Variants in DDX43 observed in about 807,000 individuals in gnomAD.
The protein encoded by DDX43 is probable ATP-dependent RNA helicase DDX43.
In DDX43, 50 loss-of-function variants were observed where a neutral mutation model predicts 84.9. That is an observed-to-expected ratio of 0.59 (90% CI 0.47 to 0.75). DDX43 has a LOEUF of 0.75. Among genes scored for constraint, DDX43 ranks in the 30% least tolerant of loss-of-function variants. The pLI is 0.00. For synonymous variants in DDX43, 291 were observed against 266.3 expected, an observed-to-expected ratio of 1.09 and a Z score of -0.90; for missense variants, 689 against 798.6, an observed-to-expected ratio of 0.86 and a Z score of 1.65.
At chr6:73,401,608 C>G (rs571764570) in intron 3 of DDX43, among the ~76,000 whole-genome samples, 1 of 152,154 alleles carries the variant, frequency 6.6e-6, no homozygotes, top group Admixed American at 6.5e-5. Flanking sequence ...CGAGACCATC[C>G]TGGCTAACAC....
chr6:73,407,263 G>A (rs138078196), intron 7 of DDX43, among the ~76,000 whole-genome samples: 2,749 of 152,132 alleles, frequency 0.018, 207 homozygotes, highest in Admixed American at 0.12. Context: ...GATTACAGGC[G>A]CCTGCTGCCA....
intron 13 of DDX43, 84 bp downstream of exon 13, chr6:73,414,163 C>CCATTTAT: frequency 1.3e-6 from 1 of 791,982 alleles, no homozygotes; most frequent in Non-Finnish European, 2.1e-6. Context: ...TTCATGAAAC[C>CCATTTAT]CATTTATTTC....
intron 1 of DDX43, 151 bp downstream of exon 1, chr6:73,395,306 A>T (rs1769443817): frequency 9.2e-7 from 1 of 1,083,698 alleles, no homozygotes; most frequent in African/African-American, 1.6e-5. Flanking sequence ...ACCTGGGGAT[A>T]GAGTATAATT....
chr6:73,413,902 C>T, intron 12 of DDX43, 68 bp from the exon 13 acceptor site: 1 of 1,519,540 alleles, frequency 6.6e-7, no homozygotes, highest in Non-Finnish European at 9.0e-7. Context: ...TAGATTTTTG[C>T]TAACAGAAGT....
Position 73,416,101 on chromosome 6 carries a change from G to C in DDX43, c.1834-12G>C, listed in dbSNP as rs143858345. ...CTCAGAATCCTAATAACAACACGTT[G>C]AATAATTTCAGAGTATTCCAGAGGA... On this transcript the variant is annotated splice_polypyrimidine_tract_variant and intron_variant, in intron 15 of 16. Coordinates refer to ENST00000370336, the MANE Select transcript of DDX43 (RefSeq NM_018665.3). 2.7e-5 allele frequency: 36 copies of C among 1,342,572 alleles called. No individual in the cohort carries two copies. The African/African-American group carries it at 3.8e-4, about 14-fold the overall frequency. The allele number at this position is 1,342,572 out of a possible 1,614,324, so 83.2% of individuals were successfully genotyped here. A position where few individuals can be genotyped will look rare whatever the true frequency, so the allele number is the denominator to read the frequency against.
At position 73,413,683 on chromosome 6, in the gene DDX43, T is replaced by C; in HGVS notation, c.1394T>C (p.Ile465Thr). The C allele has an allele frequency of 2.5e-6, 4 of 1,613,790 alleles. No individual in the cohort carries two copies. Among genetic ancestry groups the C allele is most frequent in the Non-Finnish European group, 2.5e-6 (3 of 1,179,884 alleles). ...GCTGTAAGTTCAGTGAAGCAAAATA[T>C]AATTGTAACCACCGAGGAAGAGAAA... Reference protein sequence around the residue: ...LVAVSSVKQNIIVTTEEEKWS... With the variant: ...LVAVSSVKQNTIVTTEEEKWS... Residue 465 changes from isoleucine to threonine, a missense_variant, in exon 12 of 17, where the codon ATA becomes ACA. Ile to Thr is a moderately conservative substitution (Grantham distance 89, BLOSUM62 -1). Around this residue, in one of 2 missense-constraint regions of DDX43, gnomAD observed 552 missense variants for 692.7 expected, o/e 0.80. Coordinates refer to ENST00000370336, the MANE Select transcript of DDX43 (RefSeq NM_018665.3).
chr6:73,412,223 A>G lies in DDX43; in HGVS notation c.1299A>G (p.Ser433=), dbSNP rs201085476. Residue 433 remains serine, a synonymous_variant, in exon 11 of 17, where the codon TCA becomes TCG. Coordinates refer to ENST00000370336, the MANE Select transcript of DDX43 (RefSeq NM_018665.3). ...TVMTSATWPH[S]VHRLAQSYLK... ...TTCCCAGTGCTACATGGCCTCATTCAGTTCATCGCCTCGCACAATCTTATT... is the reference window on the plus strand; with the variant it reads ...TTCCCAGTGCTACATGGCCTCATTCGGTTCATCGCCTCGCACAATCTTATT... 21 of 1,613,536 alleles carry G rather than the reference A, an allele frequency of 1.3e-5. 1 individual carries two copies. In the African/African-American group the frequency reaches 2.3e-4, roughly 17 times the overall value.
chr6:73,414,476 CA>C, intron 13 of DDX43, 71 bp from the exon 14 acceptor site: 1 of 1,224,216 alleles, frequency 8.2e-7, no homozygotes, highest in East Asian at 2.4e-5. Flanking sequence ...TTAGTTAGGG[CA>C]AATATTATTT....
chr6:73,412,668 T>TGTGTGCGTGTGTGCGC (rs538597626), intron 11 of DDX43, among the ~76,000 whole-genome samples: 1 of 108,396 alleles, frequency 9.2e-6, no homozygotes, highest in Non-Finnish European at 1.8e-5. Flanking sequence ...TGTGTGTGTG[T>TGTGTGCGTGTGTGCGC]GCGCGCGCGC....
chr6:73,402,403 C>T (rs545351765), intron 4 of DDX43, among the ~76,000 whole-genome samples: 1 of 152,148 alleles, frequency 6.6e-6, no homozygotes, highest in South Asian at 2.1e-4. Flanking sequence ...CAGTTCTTGG[C>T]AGCATTTTGT....
intron 2 of DDX43, among the ~76,000 whole-genome samples, chr6:73,399,290 A>G (rs761982353): frequency 5.9e-5 from 9 of 152,116 alleles, no homozygotes; most frequent in East Asian, 3.9e-4. Flanking sequence ...TCCTTTTCCT[A>G]TGTGAAAGCC....
At chr6:73,395,470 T>G (rs1201812884) in intron 1 of DDX43, among the ~76,000 whole-genome samples, 1 of 151,618 alleles carries the variant, frequency 6.6e-6, no homozygotes, top group African/African-American at 2.4e-5. Context: ...AAAAAATAGC[T>G]GGGCGTGGTG....
intron 5 of DDX43, 102 bp downstream of exon 5, chr6:73,404,873 C>CA: frequency 9.0e-6 from 8 of 893,528 alleles, no homozygotes; most frequent in South Asian, 3.4e-5. Context: ...GCTACGCCTT[C>CA]AATATTCAAA....
Position 73,405,693 on chromosome 6 carries a change from AT to A in DDX43, c.666del (p.Asn222LysfsTer2). On this transcript the variant is annotated frameshift_variant, in exon 6 of 17. Transcript: ENST00000370336. LOFTEE classifies it high-confidence loss of function. Reference protein sequence around the residue: ...EADSWRKENFNITWDDLKDGE... With the variant: ...EADSWRKENFXITWDDLKDGE... ...ATTCTTTGAAGGAAAGAAAATTTTA[AT>A]ATAACGTGGGATGACTTGAAGGATG... 1 of 1,612,416 alleles carries A rather than the reference AT, an allele frequency of 6.2e-7. No homozygotes were observed. The highest frequency in any genetic ancestry group is 8.5e-7 in the Non-Finnish European group (1 of 1,179,624).
In DDX43 at chr6:73,407,635, A is replaced by G. The variant is rs1180119628; in HGVS notation, c.1037+20A>G. The G allele has an allele frequency of 6.9e-7, 1 of 1,451,438 alleles. No individual in the cohort carries two copies. Among genetic ancestry groups the G allele is most frequent in the Non-Finnish European group, 9.7e-7 (1 of 1,034,274 alleles). 89.9% of individuals were successfully genotyped at this position (1,451,438 alleles called of 1,614,324 possible). On this transcript the variant is annotated intron_variant, in intron 8 of 16. Transcript: ENST00000370336. ...TCGGAGGTAAGTAATTTTTTTTCCC[A>G]TTCCTTCACCAGTATCATATTTTAA... is the stretch of plus-strand genomic sequence containing the variant.
In DDX43 at chr6:73,394,892, C is replaced by G. The variant is rs777431855; in HGVS notation, c.-14C>G. The G allele has an allele frequency of 6.2e-7, 1 of 1,613,428 alleles. No individual in the cohort carries two copies. Among genetic ancestry groups the G allele is most frequent in the South Asian group, 1.1e-5 (1 of 91,056 alleles). On this transcript the variant is annotated 5_prime_UTR_variant, in exon 1 of 17. Coordinates refer to ENST00000370336, the MANE Select transcript of DDX43 (RefSeq NM_018665.3). ...TGGACGGCAACGACGTCGGACGCGCCCCTTCTTGGAACAATGTCCCACCAC... is the reference window on the plus strand; with the variant it reads ...TGGACGGCAACGACGTCGGACGCGCGCCTTCTTGGAACAATGTCCCACCAC...
chr6:73,394,974 G>A lies in DDX43; in HGVS notation c.69G>A (p.Val23=). Residue 23 remains valine (V), a synonymous_variant, in exon 1 of 17, where the codon GTG becomes GTA. Coordinates refer to ENST00000370336, the MANE Select transcript of DDX43 (RefSeq NM_018665.3). The stretch of plus-strand genomic sequence containing the variant: ...TTGCTAGTCGGCGAAGCTCGACAGT[G>A]TCCCGAGCGCCAGAGAGGAGGCCGG... ...WVVASRRSST[V]SRAPERRPAE... is the part of the protein sequence containing the mutation. 6.2e-7 allele frequency: 1 copy of A among 1,614,274 alleles called. No individual in the cohort carries two copies. Among genetic ancestry groups the A allele is most frequent in the South Asian group, 1.1e-5 (1 of 91,090 alleles).
chr6:73,403,726 T>C (rs1293897360), intron 4 of DDX43, among the ~76,000 whole-genome samples: 1 of 152,048 alleles, frequency 6.6e-6, no homozygotes, highest in South Asian at 2.1e-4. Flanking sequence ...CACAGGTCAT[T>C]CCAGCCTCCA....
rs34353404 is a variant in DDX43 at position 73,407,519 on chromosome 6, G to A, written c.941G>A (p.Arg314Lys). The change falls in exon 8 of 17, where the codon AGG becomes AAG. Residue 314 changes from arginine (R) to lysine (K), a missense_variant. Physicochemically the swap from Arg to Lys is conservative, Grantham distance 26 (BLOSUM62 2). Transcript: ENST00000370336. ...LVLQPSLKGQ[R>K]NRPGMLVLTP... ...TCTCTCCAAAGCCTTAAAGGTCAAA[G>A]GAATAGACCCGGCATGTTAGTTCTA... 2.0e-3 allele frequency: 3,146 copies of A among 1,610,678 alleles called. 68 individuals carry two copies. In the African/African-American group the frequency reaches 0.038, roughly 19 times the overall value.
Sources: allele counts gnomAD v4.1 joint callset (sites outside exome capture counted in the v4.1 genomes callset), GRCh38; gene constraint gnomAD v4.1.1; regional missense constraint gnomAD v4.1.1; transcripts MANE v1.5; gene names NCBI Gene and HGNC (gene_info 2026-07-23, HGNC 2026-07-21).